The following PWWP2A variants were observed in gnomAD, a reference collection of about 807,000 sequenced individuals.
PWWP2A encodes PWWP domain-containing protein 2A.
A neutral mutation model predicts 48.5 loss-of-function variants in PWWP2A; 18 were observed. That is an observed-to-expected ratio of 0.37 (90% CI 0.26 to 0.55). The LOEUF is 0.55. PWWP2A is among the 20% of genes least tolerant of loss of function. The pLI is 0.81. For missense variants in PWWP2A, 867 were observed against 976.4 expected (o/e 0.89, Z 1.49); for synonymous variants, 396 against 387.7 (o/e 1.02, Z -0.25).
At chr5:160,116,280 C>T (rs1041017941) in intron 1 of PWWP2A, among the ~76,000 whole-genome samples, 2 of 152,086 alleles carry the variant, frequency 1.3e-5, no homozygotes, top group Non-Finnish European at 2.9e-5. Context: ...TCCTCTGGAA[C>T]TCCTGCGCTC....
chr5:160,118,759 C>T (rs1163114016), intron 1 of PWWP2A, 46 bp downstream of exon 1: 28 of 1,378,552 alleles, frequency 2.0e-5, no homozygotes, highest in Non-Finnish European at 2.6e-5. Context: ...TCACTCCCTC[C>T]CTGGGGACCC....
intron 4 of PWWP2A, chr5:160,065,122 C>A: frequency 6.3e-7 from 1 of 1,586,178 alleles, no homozygotes; most frequent in Non-Finnish European, 8.5e-7. Flanking sequence ...TTGCTGTTAG[C>A]TAGGGGAAAG....
chr5:160,052,214 T>G, the PWWP2A span, among the ~76,000 whole-genome samples: 28 of 152,220 alleles, frequency 1.8e-4, no homozygotes, highest in Admixed American at 6.5e-4. Flanking sequence ...ATTTACATAT[T>G]TAATTAAACT....
At chr5:160,080,822 T>C in intron 2 of PWWP2A, 2 of 1,464,142 alleles carry the variant, frequency 1.4e-6, no homozygotes, top group South Asian at 2.7e-5. Context: ...AGTTTTTTAA[T>C]CCATCCATTT....
At chr5:160,104,868 T>C (rs1756705463) in intron 1 of PWWP2A, among the ~76,000 whole-genome samples, 1 of 152,104 alleles carries the variant, frequency 6.6e-6, no homozygotes, top group African/African-American at 2.4e-5. Context: ...CCCATCATTT[T>C]AAAATTACAA....
At chr5:160,062,232 C>T (rs1389069855) in intron 5 of PWWP2A, 4 of 152,144 alleles carry the variant, frequency 2.6e-5, no homozygotes, top group East Asian at 1.9e-4. Context: ...TTCTTCCTCT[C>T]GTCGGCAGTT....
At chr5:160,057,385 G>A (rs757957780), downstream of PWWP2A, among the ~76,000 whole-genome samples, 1 of 151,524 alleles carries the variant, frequency 6.6e-6, no homozygotes. This position sits in a 1 kb window ranked among gnomAD's most constrained non-coding sequence, Gnocchi z 4.4. Context: ...AGTCTACTAA[G>A]TATGCAACAG....
chr5:160,104,780 G>A (rs1379433051), intron 1 of PWWP2A, among the ~76,000 whole-genome samples: 2 of 152,088 alleles, frequency 1.3e-5, no homozygotes, highest in Non-Finnish European at 2.9e-5. Flanking sequence ...ATTCCAGCCT[G>A]GGCGACAGAG....
At chr5:160,088,175 G>A (rs114264637), downstream of PWWP2A, among the ~76,000 whole-genome samples, 46 of 152,238 alleles carry the variant, frequency 3.0e-4, no homozygotes, top group African/African-American at 9.6e-4. Context: ...TTTTCTCCTC[G>A]AAATTGGCAT....
downstream of PWWP2A, among the ~76,000 whole-genome samples, chr5:160,058,409 C>CTT (rs1171929571): frequency 6.6e-4 from 85 of 129,768 alleles, no homozygotes; most frequent in African/African-American, 8.2e-4. Flanking sequence ...AAGTGTATTT[C>CTT]TTTTTTTTTT....
intron 1 of PWWP2A, among the ~76,000 whole-genome samples, chr5:160,112,147 GAAAAAAA>G (rs1158416838): frequency 3.7e-5 from 5 of 135,470 alleles, no homozygotes; most frequent in Non-Finnish European, 6.4e-5. Context: ...AAAAAAAAAG[GAAAAAAA>G]GAAAAAAGAA....
chr5:160,045,457 CACACACA>C, the PWWP2A span, among the ~76,000 whole-genome samples: 1 of 18,024 alleles, frequency 5.5e-5, no homozygotes, highest in Admixed American at 6.7e-4. Flanking sequence ...CCACCCTCCA[CACACACA>C]CACACACACA....
the PWWP2A span, among the ~76,000 whole-genome samples, chr5:160,045,453 TCCACACACAC>T: frequency 2.9e-5 from 1 of 33,960 alleles, no homozygotes; most frequent in Admixed American, 2.9e-4. Flanking sequence ...TCCCCCACCC[TCCACACACAC>T]ACACACACAC....
chr5:160,112,198 C>T (rs577703768), intron 1 of PWWP2A, among the ~76,000 whole-genome samples: 63 of 149,828 alleles, frequency 4.2e-4, no homozygotes, highest in African/African-American at 1.5e-3. Flanking sequence ...ACAAAGTAAG[C>T]TAGAGAATGC....
chr5:160,118,323 C>T (rs987892282), intron 1 of PWWP2A, among the ~76,000 whole-genome samples: 1 of 152,118 alleles, frequency 6.6e-6, no homozygotes, highest in Non-Finnish European at 1.5e-5. Flanking sequence ...TGACAGGTAA[C>T]CTTTTGGGAA....
chr5:160,119,118 C>T lies in PWWP2A; in HGVS notation c.271G>A (p.Ala91Thr), dbSNP rs1758455412. ...ACCCGAACGGACAGTTTCTCCTCAG[C>T]CTCCAGCTCCGGCCCCACCGCCTCT... is the stretch of plus-strand genomic sequence containing the variant. ...SPEAVGPELEAEEKLSVRVAE... is the reference protein window; with the variant it reads ...SPEAVGPELETEEKLSVRVAE... Residue 91 changes from alanine (A) to threonine (T), a missense_variant, in exon 1 of 2, where the codon GCT becomes ACT. By Grantham distance (58) the Ala-to-Thr change is moderately conservative (BLOSUM62 0). Transcript: ENST00000307063. 11 of 1,585,054 alleles carry T rather than the reference C, an allele frequency of 6.9e-6. No individual in the cohort carries two copies. The highest frequency in any genetic ancestry group is 9.4e-6 in the Non-Finnish European group (11 of 1,175,064).
chr5:160,051,308 C>G, the PWWP2A span: 2 of 723,798 alleles, frequency 2.8e-6, no homozygotes, highest in African/African-American at 1.8e-5. Flanking sequence ...CTACTGACTT[C>G]TGAGTTATTT....
At chr5:160,096,555 A>C (rs1254204959) in intron 1 of PWWP2A, among the ~76,000 whole-genome samples, 1 of 152,270 alleles carries the variant, frequency 6.6e-6, no homozygotes, top group Non-Finnish European at 1.5e-5. Context: ...ACTTGTAAGA[A>C]GGCATAATTT....
intron 2 of PWWP2A, among the ~76,000 whole-genome samples, chr5:160,067,157 G>C (rs1753631781): frequency 6.6e-6 from 1 of 152,118 alleles, no homozygotes; most frequent in Admixed American, 6.5e-5. Flanking sequence ...GCTTGATAGA[G>C]AACAGCAAGA....
Sources: allele counts gnomAD v4.1 joint callset (sites outside exome capture counted in the v4.1 genomes callset), GRCh38; gene constraint gnomAD v4.1.1; non-coding constraint Gnocchi (gnomAD v3.1); transcripts MANE v1.5; gene names NCBI Gene and HGNC (gene_info 2026-07-23, HGNC 2026-07-21).